The following DNAI7 variants were observed in gnomAD, a reference collection of about 807,000 sequenced individuals.
The protein encoded by DNAI7 is cancer susceptibility 1.
DNAI7 carries 78 observed loss-of-function variants against 86.6 expected under a neutral mutation model. That is an observed-to-expected ratio of 0.90 (90% CI 0.75 to 1.09). DNAI7 has a LOEUF of 1.09. Among genes scored for constraint, DNAI7 ranks in the 50% least tolerant of loss-of-function variants. The probability of loss-of-function intolerance (pLI) is 0.00; values close to 1 mark genes in which losing one functional copy is unlikely to be tolerated. For synonymous variants in DNAI7, 274 were observed against 273.0 expected, an observed-to-expected ratio of 1.00 and a Z score of -0.04; for missense variants, 753 against 810.2, an observed-to-expected ratio of 0.93 and a Z score of 0.86.
downstream of DNAI7, chr12:25,107,060 C>T (rs770681058): frequency 4.1e-6 from 6 of 1,458,348 alleles, no homozygotes; most frequent in Admixed American, 8.7e-5. Flanking sequence ...TGTAAGTTAT[C>T]TACTTGATAA....
intron 9 of DNAI7, among the ~76,000 whole-genome samples, chr12:25,142,916 A>G (rs1327258624): frequency 1.3e-5 from 2 of 152,220 alleles, no homozygotes; most frequent in East Asian, 3.8e-4. Flanking sequence ...GGAAAGGAGT[A>G]TAATCCTTCC....
At chr12:25,125,866 G>T (rs1449769538) in intron 9 of DNAI7, among the ~76,000 whole-genome samples, 1 of 152,068 alleles carries the variant, frequency 6.6e-6, no homozygotes. Context: ...ATTGAATAGG[G>T]AGTCTTTTCC....
At chr12:25,136,696 AATAG>A (rs1166601683) in intron 9 of DNAI7, among the ~76,000 whole-genome samples, 17 of 152,240 alleles carry the variant, frequency 1.1e-4, no homozygotes, top group Middle Eastern at 3.2e-3. Flanking sequence ...TCTCCAGAGA[AATAG>A]ATAGCATAAA....
At chr12:25,122,609 T>C (rs1941491262) in intron 10 of DNAI7, among the ~76,000 whole-genome samples, 1 of 152,196 alleles carries the variant, frequency 6.6e-6, no homozygotes, top group Admixed American at 6.5e-5. Flanking sequence ...TATATAAATC[T>C]CAAACTAAAA....
At position 25,110,254 on chromosome 12, in the gene DNAI7, A is replaced by G; in HGVS notation, c.1780-14T>C. On this transcript the variant is annotated splice_polypyrimidine_tract_variant and intron_variant, in intron 14 of 15. Coordinates refer to ENST00000395987, the MANE Select transcript of DNAI7 (RefSeq NM_018272.5). The stretch of plus-strand genomic sequence containing the variant: ...TACCAAAGGAACCTGTCAATATAAA[A>G]ACAAATAGAATTGATCTTTGAGCCT... 7.0e-7 allele frequency: 1 copy of G among 1,427,676 alleles called. No homozygotes were observed. The highest frequency in any genetic ancestry group is 9.9e-7 in the Non-Finnish European group (1 of 1,012,444). The allele number at this position is 1,427,676 out of a possible 1,614,324, so 88.4% of individuals were successfully genotyped here.
intron 6 of DNAI7, among the ~76,000 whole-genome samples, chr12:25,151,611 A>G (rs185792142): frequency 5.8e-4 from 88 of 152,328 alleles, no homozygotes; most frequent in Non-Finnish European, 1.0e-3. Context: ...TGCTAACTGC[A>G]AAGTACCAGA....
chr12:25,179,621 T>G (rs535787444), intron 2 of DNAI7, among the ~76,000 whole-genome samples: 1 of 152,118 alleles, frequency 6.6e-6, no homozygotes, highest in Admixed American at 6.5e-5. Context: ...GCAAGGATGG[T>G]TCAACATACA....
intron 2 of DNAI7, among the ~76,000 whole-genome samples, chr12:25,176,901 C>CTTTTT (rs761004608): frequency 1.6e-4 from 19 of 118,130 alleles, no homozygotes; most frequent in Non-Finnish European, 1.8e-4. Flanking sequence ...TAACCATTTT[C>CTTTTT]TTTTTTTTTT....
At chr12:25,115,152 C>A (rs951701039) in intron 12 of DNAI7, among the ~76,000 whole-genome samples, 2 of 152,162 alleles carry the variant, frequency 1.3e-5, no homozygotes, top group East Asian at 3.8e-4. Context: ...TTCAGCCCCA[C>A]TTTTTTCTTT....
At chr12:25,194,232 TC>T (rs1322662812) in intron 1 of DNAI7, among the ~76,000 whole-genome samples, 2 of 152,198 alleles carry the variant, frequency 1.3e-5, no homozygotes, top group African/African-American at 4.8e-5. Context: ...TTTCATCATT[TC>T]CAACTGTGTG....
At position 25,158,509 on chromosome 12, in the gene DNAI7, C is replaced by T. The variant is rs140615558; in HGVS notation, c.161G>A (p.Arg54Gln). ...TCGATGCCATTTTTCTTTCTCAATT[C>T]GCTGTATTTCAAGCCTTTCCATTTC... Reference protein sequence around the residue: ...KEEMERLEIQRIEKEKWHRLE... With the variant: ...KEEMERLEIQQIEKEKWHRLE... The change falls in exon 4 of 16, where the codon CGA becomes CAA. Residue 54 changes from arginine (R) to glutamine (Q), a missense_variant. By Grantham distance (43) the Arg-to-Gln change is conservative (BLOSUM62 1). Transcript: ENST00000395987. 3.7e-5 allele frequency: 59 copies of T among 1,612,784 alleles called. No homozygotes were observed. Among genetic ancestry groups the T allele is most frequent in the Middle Eastern group, 3.3e-4 (2 of 6,070 alleles).
chr12:25,138,329 G>A (rs1225517895), intron 9 of DNAI7, among the ~76,000 whole-genome samples: 1 of 152,134 alleles, frequency 6.6e-6, no homozygotes, highest in Admixed American at 6.6e-5. Flanking sequence ...TGGGCATGGT[G>A]GCATTTGCCC....
intron 4 of DNAI7, 129 bp downstream of exon 4, chr12:25,158,343 A>G (rs1368131524): frequency 1.5e-6 from 1 of 666,272 alleles, no homozygotes; most frequent in East Asian, 2.8e-5. Flanking sequence ...CACTTATTCT[A>G]TGGTACGATT....
chr12:25,173,201 TGACAAAG>T (rs530924201), intron 2 of DNAI7, among the ~76,000 whole-genome samples: 88 of 152,024 alleles, frequency 5.8e-4, no homozygotes, highest in Non-Finnish European at 1.1e-3. Context: ...TGTATACATC[TGACAAAG>T]GACTAATATC....
chr12:25,134,352 C>CT (rs5797119), intron 9 of DNAI7, among the ~76,000 whole-genome samples: 14,234 of 90,440 alleles, frequency 0.16, 2,190 homozygotes, highest in African/African-American at 0.21. Context: ...CCTTGGCGTA[C>CT]TTTTTTTTTT....
At chr12:25,156,708 T>C (rs1483248979) in intron 4 of DNAI7, among the ~76,000 whole-genome samples, 1 of 151,810 alleles carries the variant, frequency 6.6e-6, no homozygotes, top group Non-Finnish European at 1.5e-5. Flanking sequence ...GCCATTGCAC[T>C]CTAGCCTGGG....
intron 10 of DNAI7, 110 bp downstream of exon 10, chr12:25,123,101 C>G (rs535738799): frequency 2.9e-6 from 2 of 697,970 alleles, no homozygotes; most frequent in Admixed American, 6.5e-5. Context: ...AGAATTTTCA[C>G]TTTAAATATA....
intron 2 of DNAI7, among the ~76,000 whole-genome samples, chr12:25,178,907 A>G (rs1949240420): frequency 6.6e-6 from 1 of 151,374 alleles, no homozygotes; most frequent in Non-Finnish European, 1.5e-5. Context: ...TTCCTTCTAT[A>G]TTTGTTCTTA....
chr12:25,168,373 C>G (rs1191092998), intron 2 of DNAI7, among the ~76,000 whole-genome samples: 1 of 152,156 alleles, frequency 6.6e-6, no homozygotes, highest in South Asian at 2.1e-4. Context: ...AAGAGTTATT[C>G]CACTAATTCC....
Sources: gnomAD v4.1 joint callset for allele counts (sites outside exome capture counted in the v4.1 genomes callset) on GRCh38, gnomAD v4.1.1 for gene constraint, MANE v1.5 for transcripts, NCBI Gene and HGNC (gene_info 2026-07-23, HGNC 2026-07-21) for gene names.